Variants in DST observed in about 807,000 individuals in gnomAD.
DST encodes the protein dystonin, also known as bullous pemphigoid antigen.
A neutral mutation model predicts 875.2 loss-of-function variants in DST; 253 were observed. The ratio of observed to expected loss-of-function variants is 0.29; its 90% CI spans 0.26 to 0.32. The LOEUF (loss-of-function observed/expected upper bound fraction) is 0.32, where lower values mean the gene tolerates loss of function less well. DST is among the 10% of genes least tolerant of loss of function. The probability of loss-of-function intolerance (pLI) is 1.00; values close to 1 mark genes in which losing one functional copy is unlikely to be tolerated. For missense variants in DST, 8,287 were observed against 9,111.6 expected, an observed-to-expected ratio of 0.91 and a Z score of 3.68; for synonymous variants, 3,124 against 3,197.1, an observed-to-expected ratio of 0.98 and a Z score of 0.77.
At chr6:56,653,102 C>G (rs2098985283) in intron 10 of DST, among the ~76,000 whole-genome samples, 1 of 152,182 alleles carries the variant, frequency 6.6e-6, no homozygotes, top group Non-Finnish European at 1.5e-5. Context: ...TATGAGAACC[C>G]TGCCATTAGC....
rs564676593 is a variant in DST at position 56,928,168 on chromosome 6, A to G, written c.216+25617T>C. 1.9e-4 allele frequency among the ~76,000 whole-genome samples: 29 copies of G among 151,904 alleles called. 1 individual carries two copies. The highest frequency in any genetic ancestry group is 7.0e-4 in the African/African-American group (29 of 41,480). ...AGGCTGGCTCTGGCAATCTAGAAAA[A>G]TAAATACATAAAGCTGAGGTGAGAT... On this transcript the variant is annotated intron_variant, in intron 2 of 103. Coordinates refer to ENST00000680361, the MANE Select transcript of DST (RefSeq NM_001374736.1).
rs1312889465 is a variant in DST, at chr6:56,608,644, C to T, written c.5984G>A (p.Gly1995Asp). The change falls in exon 40 of 104, where the codon GGT becomes GAT. Residue 1995 changes from glycine (G) to aspartate (D), a missense_variant. Coordinates refer to ENST00000680361, the MANE Select transcript of DST (RefSeq NM_001374736.1). ...RLLSAQLLSG[G>D]LINSNSGQRM... ...TTGGCCAGAGTTGGAATTGATCAGACCTCCAGAAAGAAGCTGTGCACTTAA... is the reference window on the plus strand; with the variant it reads ...TTGGCCAGAGTTGGAATTGATCAGATCTCCAGAAAGAAGCTGTGCACTTAA... 4 of 1,613,058 alleles carry T rather than the reference C, an allele frequency of 2.5e-6. No individual in the cohort carries two copies. In the Admixed American group the frequency reaches 6.7e-5, roughly 27 times the overall value.
At position 56,610,490 on chromosome 6, in the gene DST, G is replaced by A; in HGVS notation, c.5220C>T (p.Phe1740=). The part of the protein sequence containing the change: ...KTLQESYNLL[F]SESLKQLQES... ...CTTGTAGCTGTTTCAGAGATTCACT[G>A]AATAATAAATTATAACTTTCCTGAA... The change falls in exon 39 of 104, where the codon TTC becomes TTT. Residue 1740 remains phenylalanine (F), a synonymous_variant. Coordinates refer to ENST00000680361, the MANE Select transcript of DST (RefSeq NM_001374736.1). 1 of 1,567,988 alleles carries A rather than the reference G, an allele frequency of 6.4e-7. No homozygotes were observed. The highest frequency in any genetic ancestry group is 8.7e-7 in the Non-Finnish European group (1 of 1,154,106).
intron 4 of DST, among the ~76,000 whole-genome samples, chr6:56,830,720 C>T (rs771578328): frequency 8.5e-5 from 13 of 152,176 alleles, no homozygotes; most frequent in Non-Finnish European, 1.5e-4. Flanking sequence ...AGTTTATGGA[C>T]GTGGTAGCCC....
In DST at chr6:56,532,370, C is replaced by T. The variant is rs1212554692; in HGVS notation, c.17082G>A (p.Glu5694=). 6 of 1,613,456 alleles carry T rather than the reference C, an allele frequency of 3.7e-6. No homozygotes were observed. The highest frequency in any genetic ancestry group is 4.2e-6 in the Non-Finnish European group (5 of 1,179,668). The change falls in exon 64 of 104, where the codon GAG becomes GAA. Residue 5694 remains glutamate (E), a synonymous_variant. Coordinates refer to ENST00000680361, the MANE Select transcript of DST (RefSeq NM_001374736.1). ...TTGTTTCAGCTTTATTAAGCAATGC[C>T]TCCCATCTGCTATCCAAGAGACTGA... ...KQLSLLDSRW[E]ALLNKAETRN...
At chr6:56,907,220 T>G (rs1796809753) in intron 2 of DST, among the ~76,000 whole-genome samples, 1 of 152,228 alleles carries the variant, frequency 6.6e-6, no homozygotes, top group Admixed American at 6.5e-5. Flanking sequence ...GTCTTGATTG[T>G]GAGTTCCACA....
chr6:56,951,809 C>T (rs907645704), intron 2 of DST, among the ~76,000 whole-genome samples: 1 of 152,152 alleles, frequency 6.6e-6, no homozygotes, highest in Non-Finnish European at 1.5e-5. Context: ...ATTTTTAGCA[C>T]AAACTCCAGG....
chr6:56,798,759 A>G (rs2153017876), intron 4 of DST, among the ~76,000 whole-genome samples: 1 of 152,290 alleles, frequency 6.6e-6, no homozygotes, highest in South Asian at 2.1e-4. Context: ...AAAATTCACC[A>G]AAAAATTCAC....
intron 36 of DST, chr6:56,614,961 G>A (rs1166489783): frequency 7.1e-6 from 7 of 992,556 alleles, no homozygotes; most frequent in South Asian, 9.1e-5. Context: ...TTTCAAGTGC[G>A]AAGACTTAAC....
chr6:56,815,095 C>G (rs1441514138), intron 4 of DST, among the ~76,000 whole-genome samples: 1 of 152,026 alleles, frequency 6.6e-6, no homozygotes, highest in Non-Finnish European at 1.5e-5. Context: ...ATTTCCTCAT[C>G]CATAAAATAA....
chr6:56,771,518 A>T (rs2099664161), intron 4 of DST, among the ~76,000 whole-genome samples: 1 of 152,198 alleles, frequency 6.6e-6, no homozygotes, highest in Admixed American at 6.5e-5. Flanking sequence ...CTAAATGTAT[A>T]AATCATCATC....
chr6:56,735,211 A>G lies in DST; in HGVS notation c.687+17T>C. On this transcript the variant is annotated intron_variant, in intron 5 of 103. Coordinates refer to ENST00000680361, the MANE Select transcript of DST (RefSeq NM_001374736.1). ...TATTCCAAACAATTCCAGGAAGTGA[A>G]CGAAATAAAAACTGACCTTCATGAG... is the stretch of plus-strand genomic sequence containing the variant. 6.6e-7 allele frequency: 1 copy of G among 1,513,334 alleles called. No homozygotes were observed. Among genetic ancestry groups the G allele is most frequent in the Non-Finnish European group, 9.0e-7 (1 of 1,112,318 alleles). The allele number at this position is 1,513,334 out of a possible 1,614,324, so 93.7% of individuals were successfully genotyped here.
chr6:56,827,500 C>T (rs1367145768), intron 4 of DST, among the ~76,000 whole-genome samples: 19 of 126,326 alleles, frequency 1.5e-4, no homozygotes, highest in African/African-American at 5.7e-4. Flanking sequence ...GAGTGAGACT[C>T]CGTCTCAAAA....
intron 82 of DST, among the ~76,000 whole-genome samples, chr6:56,495,301 G>A (rs894850010): frequency 6.6e-6 from 1 of 151,726 alleles, no homozygotes; most frequent in Non-Finnish European, 1.5e-5. Context: ...CAACTCTTTA[G>A]AATGCTTTAA....
chr6:56,751,290 G>A (rs995747863), intron 4 of DST, among the ~76,000 whole-genome samples: 5 of 151,968 alleles, frequency 3.3e-5, no homozygotes, highest in Admixed American at 6.6e-5. Context: ...TTAAATAGAC[G>A]TCACCAATAG....
chr6:56,810,013 A>G (rs540258284), intron 4 of DST, among the ~76,000 whole-genome samples: 1 of 152,314 alleles, frequency 6.6e-6, no homozygotes, highest in East Asian at 1.9e-4. Context: ...GTAAACAGTT[A>G]AAGAGCAAAT....
At chr6:56,617,363 T>C (rs767640998) in intron 36 of DST, 3 of 1,613,986 alleles carry the variant, frequency 1.9e-6, no homozygotes, top group East Asian at 4.5e-5. Context: ...TGGGTTCTTT[T>C]CTTGTTTTAA....
chr6:56,603,534 A>G (rs762867878), intron 41 of DST, 30 bp downstream of exon 41: 19 of 1,595,316 alleles, frequency 1.2e-5, no homozygotes, highest in Non-Finnish European at 1.5e-5. Context: ...GCTGACTACC[A>G]TCCATAAAGA....
rs2098878509 is a variant in DST, at chr6:56,640,200, T to C, written c.2433A>G (p.Glu811=). ...KSSLLDQNLT[E]EEINMKFVQD... The stretch of plus-strand genomic sequence containing the variant: ...GAACAAATTTCATATTGATTTCTTC[T>C]TCTGTTAAATTTTGATCCAGCAAAG... The change falls in exon 18 of 104, where the codon GAA becomes GAG. Residue 811 remains glutamate (E), a synonymous_variant. Transcript: ENST00000680361. 2 of 1,614,194 alleles carry C rather than the reference T, an allele frequency of 1.2e-6. No homozygotes were observed. The highest frequency in any genetic ancestry group is 1.7e-5 in the Admixed American group (1 of 60,026).
Sources: allele counts gnomAD v4.1 joint callset (sites outside exome capture counted in the v4.1 genomes callset), GRCh38; gene constraint gnomAD v4.1.1; transcripts MANE v1.5; gene names NCBI Gene and HGNC (gene_info 2026-07-23, HGNC 2026-07-21).